LRRC7: variants seen among roughly 807,000 people sequenced by gnomAD.
LRRC7 encodes the protein leucine rich repeat containing 7.
In LRRC7, 23 loss-of-function variants were observed where a neutral mutation model predicts 175.7. The ratio of observed to expected loss-of-function variants is 0.13; its 90% CI spans 0.09 to 0.19. The LOEUF (loss-of-function observed/expected upper bound fraction) is 0.19, where lower values mean the gene tolerates loss of function less well. Among genes scored for constraint, LRRC7 ranks in the 10% least tolerant of loss-of-function variants. LRRC7 has a pLI of 1.00. For missense variants in LRRC7, 1,354 were observed against 1,904.7 expected, an observed-to-expected ratio of 0.71 and a Z score of 5.38; for synonymous variants, 685 against 680.9, an observed-to-expected ratio of 1.01 and a Z score of -0.09.
At chr1:69,745,248 AT>A (rs1669130586) in intron 2 of LRRC7, among the ~76,000 whole-genome samples, 1 of 151,964 alleles carries the variant, frequency 6.6e-6, no homozygotes, top group Non-Finnish European at 1.5e-5. Context: ...ATAAGCATAA[AT>A]CAAAGGCATA....
rs1179746895 is a variant in LRRC7 at position 70,132,295 on chromosome 1, A to G, written c.*10408A>G. 2.6e-5 allele frequency: 4 copies of G among 152,182 alleles called. No individual in the cohort carries two copies. The highest frequency in any genetic ancestry group is 9.7e-5 in the African/African-American group (4 of 41,420). The allele number at this position is 152,182 out of a possible 1,614,324, so 9.4% of individuals were successfully genotyped here. A position where few individuals can be genotyped will look rare whatever the true frequency, so the allele number is the denominator to read the frequency against. On this transcript the variant is annotated 3_prime_UTR_variant, in exon 27 of 27. Transcript: ENST00000651989. Reference sequence around the variant, plus strand: ...ATTTACAGTGAAAAATAAGGTGCATATTAGAAATATATTTAGTTTAATTGC... The same window carrying G: ...ATTTACAGTGAAAAATAAGGTGCATGTTAGAAATATATTTAGTTTAATTGC...
At chr1:69,617,789 T>C (rs928965951) in intron 1 of LRRC7, among the ~76,000 whole-genome samples, 1 of 151,990 alleles carries the variant, frequency 6.6e-6, no homozygotes, top group African/African-American at 2.4e-5. Context: ...TAATCCAAGA[T>C]TGCATTTAGC....
intron 7 of LRRC7, among the ~76,000 whole-genome samples, chr1:69,928,433 G>C (rs372445809): frequency 6.6e-6 from 1 of 152,226 alleles, no homozygotes; most frequent in Non-Finnish European, 1.5e-5. Flanking sequence ...AGGCAGGCAC[G>C]CCTCCTTGAG....
chr1:70,100,408 A>G (rs1015871436), intron 25 of LRRC7, among the ~76,000 whole-genome samples: 2 of 152,130 alleles, frequency 1.3e-5, no homozygotes, highest in Non-Finnish European at 2.9e-5. Flanking sequence ...AAGTCCAAAG[A>G]CCAAACAATG....
chr1:69,683,952 C>T (rs1268178213), intron 2 of LRRC7, among the ~76,000 whole-genome samples: 2 of 151,940 alleles, frequency 1.3e-5, no homozygotes, highest in African/African-American at 4.8e-5. Context: ...GAAACAATTA[C>T]ATGTGGAAAA....
intron 1 of LRRC7, among the ~76,000 whole-genome samples, chr1:69,671,086 C>T (rs1236622034): frequency 6.6e-6 from 1 of 152,136 alleles, no homozygotes; most frequent in East Asian, 1.9e-4. Flanking sequence ...AGAGGAGTCT[C>T]TTCCCATAGC....
intron 4 of LRRC7, among the ~76,000 whole-genome samples, chr1:69,796,908 T>A (rs2101079115): frequency 6.6e-6 from 1 of 152,308 alleles, no homozygotes; most frequent in South Asian, 2.1e-4. Context: ...TCTTCCTCTG[T>A]GATACTTTTT....
intron 2 of LRRC7, among the ~76,000 whole-genome samples, chr1:69,745,369 A>G (rs1479906836): frequency 6.6e-6 from 1 of 151,972 alleles, no homozygotes; most frequent in African/African-American, 2.4e-5. Flanking sequence ...ATTGACATTC[A>G]TATACAATAC....
chr1:70,003,951 T>C (rs1655765659), intron 11 of LRRC7, among the ~76,000 whole-genome samples: 1 of 152,262 alleles, frequency 6.6e-6, no homozygotes, highest in African/African-American at 2.4e-5. Flanking sequence ...ATTTGGATGA[T>C]ATTTTTCTCC....
In LRRC7 at chr1:70,133,794, C is replaced by G. The variant is rs1666768209; in HGVS notation, c.*11907C>G. Among the ~76,000 whole-genome samples the G allele has an allele frequency of 6.6e-6, 1 of 152,124 alleles. No individual in the cohort carries two copies. The highest frequency in any genetic ancestry group is 2.4e-5 in the African/African-American group (1 of 41,422). On this transcript the variant is annotated 3_prime_UTR_variant, in exon 27 of 27. Coordinates refer to ENST00000651989, the MANE Select transcript of LRRC7 (RefSeq NM_001370785.2). ...TATTATACCCACCAGTTTAATAGTTCTTCTCTAACTTGTGTTTTCCAAATA... is the reference window on the plus strand; with the variant it reads ...TATTATACCCACCAGTTTAATAGTTGTTCTCTAACTTGTGTTTTCCAAATA...
intron 1 of LRRC7, among the ~76,000 whole-genome samples, chr1:69,667,793 A>G (rs1658484103): frequency 6.6e-6 from 1 of 152,094 alleles, no homozygotes; most frequent in Non-Finnish European, 1.5e-5. Context: ...AGTTTAGTCT[A>G]TTTATATTCA....
At chr1:69,784,142 A>G (rs1314926396) in intron 3 of LRRC7, among the ~76,000 whole-genome samples, 2 of 152,244 alleles carry the variant, frequency 1.3e-5, no homozygotes, top group Non-Finnish European at 2.9e-5. Flanking sequence ...GCAGGTGGAA[A>G]TATACAGTAT....
chr1:69,637,605 A>C (rs1440627709), intron 1 of LRRC7, among the ~76,000 whole-genome samples: 4 of 151,956 alleles, frequency 2.6e-5, no homozygotes, highest in African/African-American at 9.7e-5. Flanking sequence ...ATTTATTTAA[A>C]AGTCAAATAG....
chr1:69,856,981 T>C (rs1173127698), intron 7 of LRRC7, among the ~76,000 whole-genome samples: 4 of 152,112 alleles, frequency 2.6e-5, no homozygotes, highest in Non-Finnish European at 4.4e-5. Context: ...ATAAACGTAA[T>C]ACAGCATATA....
At chr1:69,765,579 A>G (rs1671535888) in intron 3 of LRRC7, among the ~76,000 whole-genome samples, 1 of 152,120 alleles carries the variant, frequency 6.6e-6, no homozygotes, top group African/African-American at 2.4e-5. Context: ...AATTTTTAGA[A>G]AACTCTGTAA....
chr1:69,716,985 T>A (rs1330434166), intron 2 of LRRC7, among the ~76,000 whole-genome samples: 2 of 151,780 alleles, frequency 1.3e-5, no homozygotes, highest in Non-Finnish European at 3.0e-5. Flanking sequence ...AGAAAGTATT[T>A]ACATAAATAT....
At chr1:70,022,370 C>T (rs577446982) in intron 16 of LRRC7, 11 of 152,072 alleles carry the variant, frequency 7.2e-5, no homozygotes, top group Non-Finnish European at 1.6e-4. Context: ...CATTGAATTA[C>T]CAAAAATTGC....
intron 2 of LRRC7, among the ~76,000 whole-genome samples, chr1:69,746,168 T>C (rs1024581966): frequency 1.1e-4 from 17 of 152,012 alleles, no homozygotes; most frequent in Non-Finnish European, 2.5e-4. Flanking sequence ...AGGATATCCA[T>C]GTTAACATAA....
chr1:70,007,805 T>C (rs1656121963), intron 11 of LRRC7, among the ~76,000 whole-genome samples: 1 of 152,192 alleles, frequency 6.6e-6, no homozygotes, highest in South Asian at 2.1e-4. Context: ...CTGGGACATC[T>C]TCATTCTTTT....
Sources: gnomAD v4.1 joint callset for allele counts (sites outside exome capture counted in the v4.1 genomes callset) on GRCh38, gnomAD v4.1.1 for gene constraint, MANE v1.5 for transcripts, NCBI Gene and HGNC (gene_info 2026-07-23, HGNC 2026-07-21) for gene names.